The following CRYBG2 variants were observed in gnomAD, a reference collection of about 807,000 sequenced individuals.
CRYBG2 encodes the protein beta/gamma crystallin domain-containing protein 2.
CRYBG2 carries 106 observed loss-of-function variants against 153.4 expected under a neutral mutation model. The ratio of observed to expected loss-of-function variants is 0.69; its 90% confidence interval spans 0.59 to 0.81. The LOEUF (loss-of-function observed/expected upper bound fraction) is 0.81, where lower values mean the gene tolerates loss of function less well. Ranked by LOEUF, CRYBG2 falls within the 30% of genes least tolerant of loss-of-function variation. CRYBG2 has a pLI of 0.00. For synonymous variants in CRYBG2, 851 were observed against 877.8 expected, an observed-to-expected ratio of 0.97 and a Z score of 0.54; for missense variants, 1,996 against 2,112.0, an observed-to-expected ratio of 0.95 and a Z score of 1.08.
At position 26,336,331 on chromosome 1, in the gene CRYBG2, G is replaced by C; in HGVS notation, c.4071+7C>G. The C allele has an allele frequency of 6.2e-7, 1 of 1,613,512 alleles. No homozygotes were observed. Among genetic ancestry groups the C allele is most frequent in the Non-Finnish European group, 8.5e-7 (1 of 1,179,690 alleles). On this transcript the variant is annotated splice_region_variant and intron_variant, in intron 13 of 19. Transcript: ENST00000308182. The surrounding 1 kb of genome is among the most constrained non-coding windows in gnomAD (Gnocchi z 4.9). ...CCCAGCGGCTCCCTGCGGAGTCCCT[G>C]CCTTACCTTTGAGACGAAGTGCAGA...
rs745993132 is a variant in CRYBG2 at position 26,343,241 on chromosome 1, C to A, written c.2961+5G>T. ...GCCCCCACCCACTTGCCCCCACAAC[C>A]CTACCTTTCCAGGCCTGGTGTTCAG... On this transcript the variant is annotated splice_donor_5th_base_variant and intron_variant, in intron 3 of 19. Coordinates refer to ENST00000308182, the MANE Select transcript of CRYBG2 (RefSeq NM_001039775.4). This position sits in a 1 kb window ranked among gnomAD's most constrained non-coding sequence, Gnocchi z 4.1. 1 of 1,550,552 alleles carries A rather than the reference C, an allele frequency of 6.4e-7. No individual in the cohort carries two copies. The highest frequency in any genetic ancestry group is 8.7e-7 in the Non-Finnish European group (1 of 1,147,010).
intron 19 of CRYBG2, 25 bp downstream of exon 19, chr1:26,322,139 C>T: frequency 6.2e-7 from 1 of 1,606,226 alleles, no homozygotes; most frequent in East Asian, 2.2e-5. Flanking sequence ...CTCAGGAGCC[C>T]TCTTCCCCAT....
At position 26,343,374 on chromosome 1, in the gene CRYBG2, C is replaced by T; in HGVS notation, c.2914-81G>A. 6.9e-7 allele frequency: 1 copy of T among 1,456,448 alleles called. No individual in the cohort carries two copies. The highest frequency in any genetic ancestry group is 1.2e-5 in the South Asian group (1 of 81,948). 90.2% of individuals were successfully genotyped at this position (1,456,448 alleles called of 1,614,324 possible). On this transcript the variant is annotated intron_variant, in intron 2 of 19. Transcript: ENST00000308182. This position sits in a 1 kb window ranked among gnomAD's most constrained non-coding sequence, Gnocchi z 4.1. ...CCCACAACCCGCCATTCCAAGGATC[C>T]CACATCCTCCCTATTAACCTCCACC...
At chr1:26,333,515 G>A (rs1366338283) in intron 14 of CRYBG2, among the ~76,000 whole-genome samples, 2 of 151,562 alleles carry the variant, frequency 1.3e-5, no homozygotes, top group African/African-American at 2.4e-5. Context: ...TCAGTGAGCC[G>A]AGATTGCGCC....
Position 26,336,792 on chromosome 1 carries a change from C to T in CRYBG2, c.3911+49G>A, listed in dbSNP as rs1298426001. ...GGAGCCTGCACCTCTCCTGGAACCG[C>T]CCCCGGCTCGCCCGGGCCCGCCCCG... On this transcript the variant is annotated intron_variant, in intron 11 of 19. Transcript: ENST00000308182. The surrounding 1 kb of genome is among the most constrained non-coding windows in gnomAD (Gnocchi z 4.9). The T allele has an allele frequency of 1.9e-6, 3 of 1,558,446 alleles. No individual in the cohort carries two copies. The highest frequency in any genetic ancestry group is 2.6e-6 in the Non-Finnish European group (3 of 1,152,468).
At position 26,344,289 on chromosome 1, in the gene CRYBG2, C is replaced by A; in HGVS notation, c.2369G>T (p.Arg790Leu). 1 of 1,515,270 alleles carries A rather than the reference C, an allele frequency of 6.6e-7. No homozygotes were observed. Among genetic ancestry groups the A allele is most frequent in the South Asian group, 1.2e-5 (1 of 81,450 alleles). The allele number at this position is 1,515,270 out of a possible 1,614,324, so 93.9% of individuals were successfully genotyped here. A position where few individuals can be genotyped will look rare whatever the true frequency, so the allele number is the denominator to read the frequency against. Residue 790 changes from arginine to leucine, a missense_variant, in exon 2 of 20, where the codon CGC becomes CTC. Physicochemically the swap from Arg to Leu is moderately radical, Grantham distance 102 (BLOSUM62 -2). Coordinates refer to ENST00000308182, the MANE Select transcript of CRYBG2 (RefSeq NM_001039775.4). ...LRTHRLPRAP[R>L]SSYLSMYATL... ...GGCGTACATGGACAGGTAGGAGGAG[C>A]GAGGGGCTCGTGGCAGCCGGTGAGT...
chr1:26,338,256 AT>A, intron 7 of CRYBG2, 94 bp downstream of exon 7: 1 of 1,515,616 alleles, frequency 6.6e-7, no homozygotes, highest in Non-Finnish European at 8.9e-7. Context: ...TTTACACTTC[AT>A]CCCCCATCCC....
At chr1:26,338,134 A>C (rs895838210) in intron 7 of CRYBG2, 87 bp from the exon 8 acceptor site, 4 of 1,525,636 alleles carry the variant, frequency 2.6e-6, no homozygotes, top group Admixed American at 1.9e-5. Context: ...GATCCTGAGA[A>C]CCCCAACCCC....
At position 26,321,976 on chromosome 1, in the gene CRYBG2, C is replaced by G; in HGVS notation, c.4978G>C (p.Val1660Leu). The G allele has an allele frequency of 6.3e-7, 1 of 1,581,978 alleles. No individual in the cohort carries two copies. Among genetic ancestry groups the G allele is most frequent in the Non-Finnish European group, 8.6e-7 (1 of 1,157,576 alleles). Reference protein sequence around the residue: ...DRASQIWTIHVL With the variant: ...DRASQIWTIHLL The stretch of plus-strand genomic sequence containing the variant: ...GGGTGAGGGGAAAAGTTTCAAAGCA[C>G]GTGGATAGTCCAGATCTGGGATGCC... The change falls in exon 20 of 20, where the codon GTG (valine) becomes CTG (leucine). Residue 1660 changes from valine (V) to leucine (L), a missense_variant. By Grantham distance (32) the Val-to-Leu change is conservative (BLOSUM62 1). Coordinates refer to ENST00000308182, the MANE Select transcript of CRYBG2 (RefSeq NM_001039775.4).
Position 26,336,691 on chromosome 1 carries a change from T to C in CRYBG2, c.3953A>G (p.Tyr1318Cys). 6.4e-7 allele frequency: 1 copy of C among 1,569,722 alleles called. No homozygotes were observed. The highest frequency in any genetic ancestry group is 1.2e-5 in the South Asian group (1 of 85,774). Reference sequence around the variant, plus strand: ...ACGATACACGCCCTTCTCCAGCACGTACTGTTCCCCGGAGAAGCCCACCTC... The same window carrying C: ...ACGATACACGCCCTTCTCCAGCACGCACTGTTCCCCGGAGAAGCCCACCTC... The part of the protein sequence containing the change: ...YQEVGFSGEQ[Y>C]VLEKGVYRNC... The change falls in exon 12 of 20, where the codon TAC (tyrosine) becomes TGC (cysteine). Residue 1318 changes from tyrosine to cysteine, a missense_variant. Coordinates refer to ENST00000308182, the MANE Select transcript of CRYBG2 (RefSeq NM_001039775.4). The surrounding 1 kb of genome is among the most constrained non-coding windows in gnomAD (Gnocchi z 4.9).
In CRYBG2 at chr1:26,345,415, C is replaced by A; in HGVS notation, c.1243G>T (p.Val415Phe). ...GATGGAGCAGGAGGTTGTCCAGGGA[C>A]TGTCACATGCTCGCTCCTCACCATG... Reference protein sequence around the residue: ...LPMVRSEHVTVPGQPPAPSTT... With the variant: ...LPMVRSEHVTFPGQPPAPSTT... The change falls in exon 2 of 20, where the codon GTC (valine) becomes TTC (phenylalanine). Residue 415 changes from valine (V) to phenylalanine (F), a missense_variant. By Grantham distance (50) the Val-to-Phe change is conservative. Coordinates refer to ENST00000308182, the MANE Select transcript of CRYBG2 (RefSeq NM_001039775.4). 6.2e-7 allele frequency: 1 copy of A among 1,610,466 alleles called. No homozygotes were observed. Among genetic ancestry groups the A allele is most frequent in the African/African-American group, 1.3e-5 (1 of 75,002 alleles).
Position 26,346,685 on chromosome 1 carries a change from T to C in CRYBG2, c.-28A>G. 2 of 1,493,144 alleles carry C rather than the reference T, an allele frequency of 1.3e-6. No individual in the cohort carries two copies. Among genetic ancestry groups the C allele is most frequent in the Non-Finnish European group, 1.8e-6 (2 of 1,119,426 alleles). The allele number at this position is 1,493,144 out of a possible 1,614,324, so 92.5% of individuals were successfully genotyped here. On this transcript the variant is annotated 5_prime_UTR_variant, in exon 2 of 20. Coordinates refer to ENST00000308182, the MANE Select transcript of CRYBG2 (RefSeq NM_001039775.4). This position sits in a 1 kb window ranked among gnomAD's most constrained non-coding sequence, Gnocchi z 4.9. ...GGGGCCCTGGCAACCTGTCTGGAGG[T>C]GTCCTTGTCCCACTGTGGTCCAGCT...
Position 26,336,219 on chromosome 1 carries a change from G to C in CRYBG2, c.4072-12C>G, listed in dbSNP as rs1451715494. 2 of 1,560,856 alleles carry C rather than the reference G, an allele frequency of 1.3e-6. No homozygotes were observed. The highest frequency in any genetic ancestry group is 4.8e-5 in the East Asian group (2 of 42,022). On this transcript the variant is annotated splice_polypyrimidine_tract_variant and intron_variant, in intron 13 of 19. Coordinates refer to ENST00000308182, the MANE Select transcript of CRYBG2 (RefSeq NM_001039775.4). The surrounding 1 kb of genome is among the most constrained non-coding windows in gnomAD (Gnocchi z 4.9). Reference sequence around the variant, plus strand: ...GAGAAAAGCTGAATCTGGAGGCAGAGAGGGGAGATGAGGGGAAGGAGGACG... The same window carrying C: ...GAGAAAAGCTGAATCTGGAGGCAGACAGGGGAGATGAGGGGAAGGAGGACG...
chr1:26,338,543 G>A lies in CRYBG2; in HGVS notation c.3345-66C>T, dbSNP rs2074091069. 9 of 1,482,370 alleles carry A rather than the reference G, an allele frequency of 6.1e-6. No individual in the cohort carries two copies. The Admixed American group carries it at 6.9e-5, about 11-fold the overall frequency. The allele number at this position is 1,482,370 out of a possible 1,614,324, so 91.8% of individuals were successfully genotyped here. A position where few individuals can be genotyped will look rare whatever the true frequency, so the allele number is the denominator to read the frequency against. Reference sequence around the variant, plus strand: ...CTTCAAGGGACACAGATTGGTGGGCGGGAGGGAAGGTTTAGAGTGGAAAAG... The same window carrying A: ...CTTCAAGGGACACAGATTGGTGGGCAGGAGGGAAGGTTTAGAGTGGAAAAG... On this transcript the variant is annotated intron_variant, in intron 6 of 19. Transcript: ENST00000308182.
Position 26,345,841 on chromosome 1 carries a change from C to T in CRYBG2, c.817G>A (p.Ala273Thr). ...STGLGSTVGAALRQLPETGTA... is the reference protein window; with the variant it reads ...STGLGSTVGATLRQLPETGTA... The stretch of plus-strand genomic sequence containing the variant: ...CCGGTCTCAGGCAGCTGCCTCAAGG[C>T]TGCCCCCACTGTGCTGCCCAGACCT... The change falls in exon 2 of 20, where the codon GCC (alanine) becomes ACC (threonine). Residue 273 changes from alanine to threonine, a missense_variant. Physicochemically the swap from Ala to Thr is moderately conservative, Grantham distance 58. Transcript: ENST00000308182. 2 of 1,596,686 alleles carry T rather than the reference C, an allele frequency of 1.3e-6. No individual in the cohort carries two copies. The highest frequency in any genetic ancestry group is 1.7e-6 in the Non-Finnish European group (2 of 1,179,214).
At chr1:26,334,138 T>G (rs1246410352) in intron 14 of CRYBG2, among the ~76,000 whole-genome samples, 1 of 152,006 alleles carries the variant, frequency 6.6e-6, no homozygotes. Flanking sequence ...AAAACAGAAC[T>G]AGGGCCAGGT....
intron 14 of CRYBG2, among the ~76,000 whole-genome samples, chr1:26,334,017 T>A (rs2074026732): frequency 6.6e-6 from 1 of 152,138 alleles, no homozygotes; most frequent in Non-Finnish European, 1.5e-5. Flanking sequence ...CAGGGTCTCC[T>A]TATGTTGCCC....
At chr1:26,352,675 G>A (rs1208071095) in intron 1 of CRYBG2, among the ~76,000 whole-genome samples, 1 of 151,884 alleles carries the variant, frequency 6.6e-6, no homozygotes, top group African/African-American at 2.4e-5. Context: ...TCCCACCTGA[G>A]TCTGTCATTA....
rs12562454 is a variant in CRYBG2, at chr1:26,344,593, G to T, written c.2065C>A (p.Pro689Thr). 0.2 allele frequency: 302,498 copies of T among 1,536,966 alleles called. 30,579 individuals carry two copies. Among genetic ancestry groups the T allele is most frequent in the South Asian group, 0.24 (20,413 of 84,036 alleles). The change falls in exon 2 of 20, where the codon CCC becomes ACC. Residue 689 changes from proline to threonine, a missense_variant. Coordinates refer to ENST00000308182, the MANE Select transcript of CRYBG2 (RefSeq NM_001039775.4). ...DKGVQDSEGS[P>T]ISSLTQKEVV... is the part of the protein sequence containing the mutation. Reference sequence around the variant, plus strand: ...TCTTTCTGGGTGAGAGATGAGATGGGGCTCCCTTCAGAGTCCTGGACCCCC... The same window carrying T: ...TCTTTCTGGGTGAGAGATGAGATGGTGCTCCCTTCAGAGTCCTGGACCCCC...
Sources: gnomAD v4.1 joint callset for allele counts (sites outside exome capture counted in the v4.1 genomes callset) on GRCh38, gnomAD v4.1.1 for gene constraint, Gnocchi (gnomAD v3.1) non-coding constraint, MANE v1.5 for transcripts, NCBI Gene and HGNC (gene_info 2026-07-23, HGNC 2026-07-21) for gene names.